Variants in PRKCE observed in about 807,000 individuals in gnomAD.
PRKCE encodes protein kinase C epsilon type.
In PRKCE, 16 loss-of-function variants were observed where a neutral mutation model predicts 85.4. The observed-to-expected ratio is 0.19, with a 90% CI of 0.13 to 0.28. PRKCE has a LOEUF of 0.28. PRKCE is among the 10% of genes least tolerant of loss of function. The pLI is 1.00. For missense variants in PRKCE, 573 were observed against 975.2 expected (o/e 0.59, Z 5.49); for synonymous variants, 388 against 371.5 (o/e 1.04, Z -0.51).
chr2:45,969,866 A>T (rs1562655), intron 2 of PRKCE, among the ~76,000 whole-genome samples: 125,384 of 152,168 alleles, frequency 0.82, 52,199 homozygotes, highest in East Asian at 0.97. Flanking sequence ...CAATATTACA[A>T]CACATTTCTC....
At chr2:46,168,034 G>A (rs1372667541) in intron 14 of PRKCE, 1 of 152,106 alleles carries the variant, frequency 6.6e-6, no homozygotes, top group African/African-American at 2.4e-5. Flanking sequence ...TGAGAATTCT[G>A]ATGGCAGGAA....
intron 1 of PRKCE, among the ~76,000 whole-genome samples, chr2:45,794,255 C>T (rs528139729): frequency 6.6e-6 from 1 of 152,172 alleles, no homozygotes; most frequent in South Asian, 2.1e-4. Flanking sequence ...CATGTGGATC[C>T]TTTTCAGAAA....
At chr2:45,894,803 A>T (rs964754288) in intron 2 of PRKCE, among the ~76,000 whole-genome samples, 1 of 152,076 alleles carries the variant, frequency 6.6e-6, no homozygotes, top group Non-Finnish European at 1.5e-5. Context: ...GCTCACTGCA[A>T]CCTCCGCCTC....
intron 2 of PRKCE, among the ~76,000 whole-genome samples, chr2:45,965,435 A>G (rs1701669656): frequency 6.6e-6 from 1 of 152,240 alleles, no homozygotes; most frequent in African/African-American, 2.4e-5. Flanking sequence ...CAGTGAATTT[A>G]TAAAGTCAAA....
At chr2:45,721,022 G>T (rs541181382) in intron 1 of PRKCE, among the ~76,000 whole-genome samples, 1 of 152,072 alleles carries the variant, frequency 6.6e-6, no homozygotes, top group Non-Finnish European at 1.5e-5. Context: ...CAAAAGAATC[G>T]CTTGAACCTG....
intron 1 of PRKCE, among the ~76,000 whole-genome samples, chr2:45,748,338 G>T (rs1683295701): frequency 6.6e-6 from 1 of 152,224 alleles, no homozygotes; most frequent in African/African-American, 2.4e-5. Context: ...AAGAGTGGCA[G>T]AAGCAGGATG....
chr2:45,799,237 C>T (rs1285603900), intron 1 of PRKCE, among the ~76,000 whole-genome samples: 1 of 151,794 alleles, frequency 6.6e-6, no homozygotes, highest in Non-Finnish European at 1.5e-5. Flanking sequence ...TTTTCAGCTC[C>T]TTTTTTCTGA....
Position 45,728,320 on chromosome 2 carries a change from C to T in PRKCE, c.348+75872C>T, listed in dbSNP as rs542267357. Among the ~76,000 whole-genome samples the T allele has an allele frequency of 3.3e-5, 5 of 152,222 alleles. No individual in the cohort carries two copies. In the South Asian group the frequency reaches 8.3e-4, roughly 25 times the overall value. ...ATTTTTTATTTTTATTTTTATAAGA[C>T]CCTAATTGCCTGCTTCATACCTAGA... On this transcript the variant is annotated intron_variant, in intron 1 of 14. Transcript: ENST00000306156.
intron 11 of PRKCE, among the ~76,000 whole-genome samples, chr2:46,097,519 C>CAAAAAAAAAAAAAAAAA (rs66634467): frequency 9.6e-5 from 9 of 94,116 alleles, no homozygotes; most frequent in East Asian, 8.5e-4. Flanking sequence ...GACTCCGTCT[C>CAAAAAAAAAAAAAAAAA]AAAAAAAAAA....
In PRKCE at chr2:46,187,435, C is replaced by A. The variant is rs568112535; in HGVS notation, c.*2554C>A. 2 of 152,534 alleles carry A rather than the reference C, an allele frequency of 1.3e-5. No individual in the cohort carries two copies. The highest frequency in any genetic ancestry group is 3.9e-4 in the East Asian group (2 of 5,192). The allele number at this position is 152,534 out of a possible 1,614,324, so 9.4% of individuals were successfully genotyped here. On this transcript the variant is annotated 3_prime_UTR_variant, in exon 15 of 15. Coordinates refer to ENST00000306156, the MANE Select transcript of PRKCE (RefSeq NM_005400.3). ...GCAAAGGTCTATAGAAAAAGGCTTG[C>A]GTGTTCGTTGAGTAATCATTGTTTC...
chr2:45,926,914 AGT>A (rs1698663146), intron 2 of PRKCE, among the ~76,000 whole-genome samples: 1 of 152,014 alleles, frequency 6.6e-6, no homozygotes, highest in African/African-American at 2.4e-5. Flanking sequence ...AACATGTGTG[AGT>A]GTGGATAGGA....
At position 45,852,429 on chromosome 2, in the gene PRKCE, T is replaced by C. The variant is rs371913823; in HGVS notation, c.412+9366T>C. On this transcript the variant is annotated intron_variant, in intron 2 of 14. Transcript: ENST00000306156. ...TAGTTCCTGCTCCATAATTAGTTAA[T>C]TACTTGATTGACCGATTCATTCAAC... Among the ~76,000 whole-genome samples, 107 of 152,330 alleles carry C rather than the reference T, an allele frequency of 7.0e-4. 1 individual carries two copies. In the South Asian group the frequency reaches 0.021, roughly 30 times the overall value.
At chr2:45,722,722 TCCTAATCTCA>T (rs1487271190) in intron 1 of PRKCE, among the ~76,000 whole-genome samples, 3 of 152,110 alleles carry the variant, frequency 2.0e-5, no homozygotes, top group African/African-American at 7.2e-5. Flanking sequence ...CCACTTGGAG[TCCTAATCTCA>T]CCTTGTATAT....
Position 46,018,431 on chromosome 2 carries a change from C to T in PRKCE, c.1437+7914C>T, listed in dbSNP as rs952255278. Among the ~76,000 whole-genome samples, 15 of 152,260 alleles carry T rather than the reference C, an allele frequency of 9.9e-5. No individual in the cohort carries two copies. The South Asian group carries it at 2.5e-3, about 25-fold the overall frequency. On this transcript the variant is annotated intron_variant, in intron 10 of 14. Transcript: ENST00000306156. ...GTTACAGTGAGCCGAGATCCCGCCA[C>T]TGCCCTCCAGCCTGGGCCACAGAGT...
At chr2:46,117,556 C>T (rs528161915) in intron 11 of PRKCE, among the ~76,000 whole-genome samples, 29 of 152,282 alleles carry the variant, frequency 1.9e-4, no homozygotes, top group African/African-American at 6.5e-4. Flanking sequence ...GAAGTTCAGC[C>T]AAGCTGGGTG....
At chr2:46,179,351 C>T (rs1679742511) in intron 14 of PRKCE, among the ~76,000 whole-genome samples, 1 of 152,088 alleles carries the variant, frequency 6.6e-6, no homozygotes, top group African/African-American at 2.4e-5. Flanking sequence ...CCTACCTCTG[C>T]CCTGGGCTCC....
intron 2 of PRKCE, among the ~76,000 whole-genome samples, chr2:45,844,489 G>C (rs1231051795): frequency 6.6e-6 from 1 of 152,192 alleles, no homozygotes; most frequent in East Asian, 1.9e-4. Flanking sequence ...ATGAGCACCA[G>C]TGTGCCCACC....
intron 2 of PRKCE, among the ~76,000 whole-genome samples, chr2:45,918,989 G>T (rs1319803398): frequency 6.6e-5 from 10 of 152,206 alleles, no homozygotes; most frequent in Non-Finnish European, 1.0e-4. Context: ...AGTGGCCAGG[G>T]TATGCCAGCT....
At chr2:45,869,706 CTTTTT>C (rs71394860) in intron 2 of PRKCE, among the ~76,000 whole-genome samples, 2 of 109,308 alleles carry the variant, frequency 1.8e-5, no homozygotes, top group Non-Finnish European at 1.8e-5. Flanking sequence ...TTCTCTCTCT[CTTTTT>C]TTTTTTTTTT....
Sources: allele counts gnomAD v4.1 joint callset (sites outside exome capture counted in the v4.1 genomes callset), GRCh38; gene constraint gnomAD v4.1.1; transcripts MANE v1.5; gene names NCBI Gene and HGNC (gene_info 2026-07-23, HGNC 2026-07-21).